HLTF: variants seen among roughly 807,000 people sequenced by gnomAD.
HLTF encodes DNA-dependent ATPase/E3 ubiquitin-protein ligase HLTF.
HLTF carries 127 observed loss-of-function variants against 129.4 expected under a neutral mutation model. The observed-to-expected ratio is 0.98, with a 90% confidence interval of 0.85 to 1.14. The LOEUF is 1.14. HLTF is among the 50% of genes most tolerant of loss of function. The pLI is 0.00. For synonymous variants in HLTF, 332 were observed against 388.8 expected, an observed-to-expected ratio of 0.85 and a Z score of 1.72; for missense variants, 1,139 against 1,187.1, an observed-to-expected ratio of 0.96 and a Z score of 0.60.
At chr3:149,062,593 C>T (rs1718037327) in intron 10 of HLTF, among the ~76,000 whole-genome samples, 1 of 152,188 alleles carries the variant, frequency 6.6e-6, no homozygotes, top group African/African-American at 2.4e-5. Context: ...GTAAAGTTAA[C>T]AGATTCAAGA....
At chr3:149,076,472 T>C (rs1417907359) in intron 2 of HLTF, among the ~76,000 whole-genome samples, 1 of 152,150 alleles carries the variant, frequency 6.6e-6, no homozygotes, top group Non-Finnish European at 1.5e-5. Context: ...ATTTTACAAA[T>C]GAAGAAACTG....
chr3:149,054,792 T>G (rs1458490058), intron 14 of HLTF, among the ~76,000 whole-genome samples: 1 of 152,166 alleles, frequency 6.6e-6, no homozygotes, highest in Non-Finnish European at 1.5e-5. Flanking sequence ...TGGATGACCT[T>G]AGGCAACTTA....
Position 149,032,081 on chromosome 3 carries a change from C to T in HLTF, c.*139G>A. The T allele has an allele frequency of 1.9e-6, 1 of 538,900 alleles. No homozygotes were observed. The highest frequency in any genetic ancestry group is 3.0e-6 in the Non-Finnish European group (1 of 328,384). The allele number at this position is 538,900 out of a possible 1,614,324, so 33.4% of individuals were successfully genotyped here. ...GGTTCATATATAGAAGAAATTGTGT[C>T]AGTAATACCTCTTCACTAATATAAA... On this transcript the variant is annotated 3_prime_UTR_variant, in exon 25 of 25. Coordinates refer to ENST00000310053, the MANE Select transcript of HLTF (RefSeq NM_003071.4).
At chr3:149,078,856 CAA>C (rs35279410) in intron 2 of HLTF, among the ~76,000 whole-genome samples, 58 of 129,954 alleles carry the variant, frequency 4.5e-4, no homozygotes, top group South Asian at 1.5e-3. Flanking sequence ...GACTCCGTCT[CAA>C]AAAAAAAAAA....
chr3:149,055,046 C>T (rs1170459835), intron 14 of HLTF, among the ~76,000 whole-genome samples: 2 of 152,154 alleles, frequency 1.3e-5, no homozygotes, highest in African/African-American at 4.8e-5. Flanking sequence ...ACAAAAATAG[C>T]AAAGGCAGAA....
chr3:149,048,426 T>C (rs1716729087), intron 16 of HLTF, among the ~76,000 whole-genome samples: 1 of 152,242 alleles, frequency 6.6e-6, no homozygotes, highest in Non-Finnish European at 1.5e-5. Context: ...TTTCTCCTTA[T>C]CAAGTACATC....
chr3:149,035,588 G>A (rs1044511143), intron 23 of HLTF, among the ~76,000 whole-genome samples: 4 of 148,774 alleles, frequency 2.7e-5, no homozygotes, highest in Admixed American at 6.7e-5. Context: ...AACCCCGGGA[G>A]GCGGAGCCTG....
rs141964658 is a variant in HLTF, at chr3:149,030,358, T to C, written c.*1862A>G. On this transcript the variant is annotated 3_prime_UTR_variant, in exon 25 of 25. Coordinates refer to ENST00000310053, the MANE Select transcript of HLTF (RefSeq NM_003071.4). ...TTTTTTAAATTAAACTTTTAAAATA[T>C]AACAACATCTAACAGAACTGTACAA... 8 of 152,290 alleles carry C rather than the reference T, an allele frequency of 5.3e-5. No homozygotes were observed. The highest frequency in any genetic ancestry group is 1.9e-4 in the African/African-American group (8 of 41,566). 9.4% of individuals were successfully genotyped at this position (152,290 alleles called of 1,614,324 possible).
In HLTF at chr3:149,082,968, G is replaced by A. The variant is rs964090414; in HGVS notation, c.228+1714C>T. Among the ~76,000 whole-genome samples the A allele has an allele frequency of 5.9e-5, 9 of 152,188 alleles. No individual in the cohort carries two copies. The South Asian group carries it at 1.0e-3, about 18-fold the overall frequency. On this transcript the variant is annotated intron_variant, in intron 2 of 24. Coordinates refer to ENST00000310053, the MANE Select transcript of HLTF (RefSeq NM_003071.4). ...TTTTAGCCATTTAAAAATAATGAAC[G>A]TGGCTGGGCGCGGTGGCTCATGCCT...
chr3:149,074,514 C>T (rs115625048), intron 3 of HLTF, among the ~76,000 whole-genome samples, 166 bp from the exon 4 acceptor site: 1 of 151,922 alleles, frequency 6.6e-6, no homozygotes, highest in Non-Finnish European at 1.5e-5. Context: ...AGAAATAGAA[C>T]CATAAACAAT....
chr3:149,047,545 G>A (rs1326878943), intron 17 of HLTF, among the ~76,000 whole-genome samples: 1 of 152,204 alleles, frequency 6.6e-6, no homozygotes, highest in Non-Finnish European at 1.5e-5. Flanking sequence ...GGGAGGCTGA[G>A]ACAGGAGAAT....
At position 149,050,232 on chromosome 3, in the gene HLTF, T is replaced by C. The variant is rs763804314; in HGVS notation, c.1617A>G (p.Gly539=). The change falls in exon 15 of 25, where the codon GGA becomes GGG. Residue 539 remains glycine, a splice_region_variant and synonymous_variant. Transcript: ENST00000310053. The stretch of plus-strand genomic sequence containing the variant: ...TCTGTTAAGTATCAACAATACTTAC[T>C]CCATAGTCATGAGTTAAAATATTAT... ...TTYNILTHDY[G]TKGDSPLHSI... The C allele has an allele frequency of 3.4e-5, 54 of 1,565,552 alleles. No homozygotes were observed. The South Asian group carries it at 5.9e-4, about 17-fold the overall frequency.
In HLTF at chr3:149,071,674, C is replaced by T. The variant is rs1271090544; in HGVS notation, c.628-17G>A. On this transcript the variant is annotated splice_polypyrimidine_tract_variant and intron_variant, in intron 5 of 24. Transcript: ENST00000310053. ...TGTTTTAAGCTACAATAAACAGCAA[C>T]AAGAAACAATGTAAAACAAACTAAT... is the stretch of plus-strand genomic sequence containing the variant. 7.1e-7 allele frequency: 1 copy of T among 1,404,142 alleles called. No homozygotes were observed. 87.0% of individuals were successfully genotyped at this position (1,404,142 alleles called of 1,614,324 possible).
intron 2 of HLTF, among the ~76,000 whole-genome samples, chr3:149,081,944 C>T (rs1052231529): frequency 2.0e-5 from 3 of 152,130 alleles, no homozygotes; most frequent in African/African-American, 7.2e-5. Context: ...ATTACAGTTA[C>T]AATTTTATAA....
At chr3:149,059,499 C>T in intron 13 of HLTF, 1 of 507,600 alleles carries the variant, frequency 2.0e-6, no homozygotes, top group Non-Finnish European at 3.5e-6. Flanking sequence ...GGGCCCCCAT[C>T]ACATTTTGGC....
chr3:149,057,301 C>G (rs1258198059), intron 13 of HLTF, among the ~76,000 whole-genome samples: 2 of 151,844 alleles, frequency 1.3e-5, no homozygotes, highest in African/African-American at 2.4e-5. Flanking sequence ...TGGCAGGCGC[C>G]TGTAGTCTCA....
chr3:149,032,971 A>C (rs9834138), intron 24 of HLTF, among the ~76,000 whole-genome samples: 43,651 of 141,084 alleles, frequency 0.31, 7,461 homozygotes, highest in Middle Eastern at 0.46. Flanking sequence ...AAAAAAAAAA[A>C]AAAAAACAAA....
intron 5 of HLTF, 112 bp from the exon 6 acceptor site, chr3:149,071,769 A>T: frequency 1.4e-6 from 1 of 712,920 alleles, no homozygotes; most frequent in Non-Finnish European, 2.4e-6. Flanking sequence ...CAAACGGGCC[A>T]GGAGTGGTGG....
chr3:149,060,882 A>G, intron 10 of HLTF, 24 bp from the exon 11 acceptor site: 1 of 1,540,636 alleles, frequency 6.5e-7, no homozygotes, highest in Non-Finnish European at 8.9e-7. Context: ...TACACAAAGA[A>G]ATTTTTGGAC....
Sources: allele counts gnomAD v4.1 joint callset (sites outside exome capture counted in the v4.1 genomes callset), GRCh38; gene constraint gnomAD v4.1.1; transcripts MANE v1.5; gene names NCBI Gene and HGNC (gene_info 2026-07-23, HGNC 2026-07-21).